The following MAST4 variants were observed in gnomAD, a reference collection of about 807,000 sequenced individuals.
The protein encoded by MAST4 is microtubule-associated serine/threonine-protein kinase 4.
A neutral mutation model predicts 162.7 loss-of-function variants in MAST4; 89 were observed. That is an observed-to-expected ratio of 0.55 (90% CI 0.46 to 0.65). MAST4 has a LOEUF of 0.65. Ranked by LOEUF, MAST4 falls within the 30% of genes least tolerant of loss-of-function variation. The pLI is 0.00. For missense variants in MAST4, 3,153 were observed against 3,374.0 expected (o/e 0.93, Z 1.62); for synonymous variants, 1,479 against 1,361.1 (o/e 1.09, Z -1.91).
rs578120432 is a variant in MAST4, at chr5:66,603,714, A to AATGC, written c.363+6698_363+6701dup. Among the ~76,000 whole-genome samples the AATGC allele has an allele frequency of 2.6e-5, 4 of 152,308 alleles. No homozygotes were observed. The East Asian group carries it at 7.7e-4, about 29-fold the overall frequency. On this transcript the variant is annotated intron_variant, in intron 1 of 28. Transcript: ENST00000403625. ...TAAACATTTTGGTTTTTAAGACAAAAATGCAAATAACCTAGTAGCCCTTTT... is the reference window on the plus strand; with the variant it reads ...TAAACATTTTGGTTTTTAAGACAAAAATGCATGCAAATAACCTAGTAGCCCTTTT...
At chr5:67,156,062 A>G (rs1243017412) in intron 26 of MAST4, among the ~76,000 whole-genome samples, 5 of 129,340 alleles carry the variant, frequency 3.9e-5, no homozygotes, top group Admixed American at 8.7e-5. Flanking sequence ...CCGTCTCAAG[A>G]AAAAAAAAAA....
Position 66,934,309 on chromosome 5 carries a change from C to T in MAST4, c.674+34327C>T, listed in dbSNP as rs1742486360. The stretch of plus-strand genomic sequence containing the variant: ...TCCTATAACTTTTCTGATACAAAGC[C>T]TTTAGTGATGATTCCATGGTATTCC... On this transcript the variant is annotated intron_variant, in intron 4 of 28. Coordinates refer to ENST00000403625, the MANE Select transcript of MAST4 (RefSeq NM_001164664.2). Among the ~76,000 whole-genome samples, 4 of 151,240 alleles carry T rather than the reference C, an allele frequency of 2.6e-5. No individual in the cohort carries two copies. In the Admixed American group the frequency reaches 2.7e-4, roughly 10 times the overall value.
intron 3 of MAST4, among the ~76,000 whole-genome samples, chr5:66,870,086 C>T (rs190532829): frequency 3.9e-5 from 6 of 152,096 alleles, no homozygotes; most frequent in South Asian, 2.1e-4. Flanking sequence ...TATGCCTTTC[C>T]GTGTGACCCA....
chr5:66,772,265 A>G (rs1055589621), intron 2 of MAST4, among the ~76,000 whole-genome samples: 2 of 152,220 alleles, frequency 1.3e-5, no homozygotes, highest in African/African-American at 4.8e-5. Flanking sequence ...AGAGTTGGAC[A>G]TAGGTAACTG....
chr5:66,710,427 G>A (rs545853673), intron 1 of MAST4, among the ~76,000 whole-genome samples: 48 of 152,250 alleles, frequency 3.2e-4, no homozygotes, highest in African/African-American at 8.9e-4. Flanking sequence ...TTAGATGGCT[G>A]GGATTTTTCT....
intron 1 of MAST4, among the ~76,000 whole-genome samples, chr5:66,657,214 G>T (rs1746608733): frequency 6.6e-6 from 1 of 152,158 alleles, no homozygotes; most frequent in Non-Finnish European, 1.5e-5. Flanking sequence ...ATTCATTGTT[G>T]TTTGGGTATT....
intron 4 of MAST4, among the ~76,000 whole-genome samples, chr5:67,033,315 CTGTGTGTGTG>C (rs146627241): frequency 3.2e-5 from 4 of 125,992 alleles, no homozygotes; most frequent in Non-Finnish European, 6.4e-5. Flanking sequence ...TTTCATTTCT[CTGTGTGTGTG>C]TGTGTGTGTG....
Position 67,168,968 on chromosome 5 carries a change from GCCATTCC to G in MAST4, c.*1922_*1928del, listed in dbSNP as rs1774337671. 6.6e-6 allele frequency: 1 copy of G among 151,908 alleles called. No individual in the cohort carries two copies. Among genetic ancestry groups the G allele is most frequent in the Non-Finnish European group, 1.5e-5 (1 of 67,984 alleles). The allele number at this position is 151,908 out of a possible 1,614,324, so 9.4% of individuals were successfully genotyped here. On this transcript the variant is annotated 3_prime_UTR_variant, in exon 29 of 29. Coordinates refer to ENST00000403625, the MANE Select transcript of MAST4 (RefSeq NM_001164664.2). The stretch of plus-strand genomic sequence containing the variant: ...AATTTTTTTTTCCCATATGGTTTTA[GCCATTCC>G]CCATCACTATATTGTGAAGCTGTAA...
chr5:66,649,730 A>G (rs1746093047), intron 1 of MAST4, among the ~76,000 whole-genome samples: 1 of 151,950 alleles, frequency 6.6e-6, no homozygotes, highest in South Asian at 2.1e-4. Flanking sequence ...GGCCTCTGTA[A>G]TGACTGTTTC....
At chr5:66,883,422 GTTTTTTTTTTT>G (rs36071165) in intron 3 of MAST4, among the ~76,000 whole-genome samples, 1 of 97,258 alleles carries the variant, frequency 1.0e-5, no homozygotes, top group African/African-American at 4.0e-5. Context: ...TTCTGTCACT[GTTTTTTTTTTT>G]TTTTTTTTTT....
At chr5:67,064,677 G>A (rs1213705465) in intron 5 of MAST4, among the ~76,000 whole-genome samples, 4 of 152,172 alleles carry the variant, frequency 2.6e-5, no homozygotes, top group African/African-American at 9.7e-5. Flanking sequence ...TAATTTAGTT[G>A]CCAAGGTGAG....
intron 4 of MAST4, chr5:66,963,968 T>A: frequency 1.4e-6 from 1 of 706,014 alleles, no homozygotes. Context: ...TTACTCATAT[T>A]TCACTTGGTG....
chr5:66,928,902 C>T (rs977646328), intron 4 of MAST4, among the ~76,000 whole-genome samples: 1 of 152,198 alleles, frequency 6.6e-6, no homozygotes, highest in Non-Finnish European at 1.5e-5. Flanking sequence ...TGAAGGACTT[C>T]ATGCTCTTGC....
chr5:67,110,205 T>C lies in MAST4; in HGVS notation c.1458+6T>C. 1 of 1,601,990 alleles carries C rather than the reference T, an allele frequency of 6.2e-7. No homozygotes were observed. The highest frequency in any genetic ancestry group is 8.6e-7 in the Non-Finnish European group (1 of 1,169,026). Reference sequence around the variant, plus strand: ...CTCGGTTATTAGAGTGCCTGGTAAGTTGCCCCTTGATGTGACTACATTATT... The same window carrying C: ...CTCGGTTATTAGAGTGCCTGGTAAGCTGCCCCTTGATGTGACTACATTATT... On this transcript the variant is annotated splice_donor_region_variant and intron_variant, in intron 11 of 28. Transcript: ENST00000403625.
chr5:67,109,282 A>T (rs1004877828), intron 10 of MAST4, among the ~76,000 whole-genome samples: 2 of 152,174 alleles, frequency 1.3e-5, no homozygotes, highest in Admixed American at 6.5e-5. Flanking sequence ...CCAGAATATG[A>T]AACTTTTAAA....
chr5:67,145,117 A>G (rs1407053539), intron 22 of MAST4, 27 bp from the exon 23 acceptor site: 2 of 1,538,174 alleles, frequency 1.3e-6, no homozygotes, highest in South Asian at 1.2e-5. Context: ...GTATGTATAT[A>G]TGACTTTGTT....
chr5:67,036,686 G>A (rs1756058965), intron 4 of MAST4, among the ~76,000 whole-genome samples: 2 of 152,102 alleles, frequency 1.3e-5, no homozygotes, highest in African/African-American at 4.8e-5. Flanking sequence ...GTATTGTATA[G>A]GGAATAATGA....
intron 16 of MAST4, among the ~76,000 whole-genome samples, chr5:67,133,024 T>C (rs1395828142): frequency 6.6e-6 from 1 of 152,130 alleles, no homozygotes; most frequent in Admixed American, 6.5e-5. Context: ...TTTGCATGGG[T>C]AAGAAATATA....
intron 2 of MAST4, among the ~76,000 whole-genome samples, chr5:66,764,734 A>C (rs760672793): frequency 6.6e-6 from 1 of 152,220 alleles, no homozygotes; most frequent in Non-Finnish European, 1.5e-5. Flanking sequence ...TTTTAAGCTA[A>C]GTGTTATTAC....
Sources: gnomAD v4.1 joint callset for allele counts (sites outside exome capture counted in the v4.1 genomes callset) on GRCh38, gnomAD v4.1.1 for gene constraint, MANE v1.5 for transcripts, NCBI Gene and HGNC (gene_info 2026-07-23, HGNC 2026-07-21) for gene names.